Variants in LRRK1 observed in about 807,000 individuals in gnomAD.
LRRK1 encodes leucine-rich repeat serine/threonine-protein kinase 1.
Under a neutral mutation model 209.1 loss-of-function variants are expected in LRRK1, and 113 were observed. The observed-to-expected ratio is 0.54, with a 90% confidence interval of 0.46 to 0.63. The LOEUF is 0.63. LRRK1 is among the 30% of genes least tolerant of loss of function. LRRK1 has a pLI of 0.00. For synonymous variants in LRRK1, 1,144 were observed against 1,099.7 expected (o/e 1.04, Z -0.80); for missense variants, 2,284 against 2,632.2 (o/e 0.87, Z 2.89).
At chr15:100,987,970 C>A (rs1350113643) in intron 4 of LRRK1, among the ~76,000 whole-genome samples, 2 of 152,108 alleles carry the variant, frequency 1.3e-5, no homozygotes, top group African/African-American at 4.8e-5. Flanking sequence ...TAAGATCATG[C>A]TGGATACGCC....
At chr15:100,988,480 A>ATTTTTTT in intron 4 of LRRK1, 154 bp from the exon 5 acceptor site, 1 of 735,698 alleles carries the variant, frequency 1.4e-6, no homozygotes, top group Non-Finnish European at 2.4e-6. Context: ...ACATGATCTC[A>ATTTTTTT]TTCTTTTTTA....
intron 1 of LRRK1, chr15:100,920,278 CTT>C (rs2041998610): frequency 6.6e-6 from 1 of 152,270 alleles, no homozygotes; most frequent in Non-Finnish European, 1.5e-5. Context: ...GGGCATATAG[CTT>C]TCAGCAAACC....
In LRRK1 at chr15:101,041,744, G is replaced by A. The variant is rs891129697; in HGVS notation, c.2964-4237G>A. On this transcript the variant is annotated intron_variant, in intron 20 of 33. Transcript: ENST00000388948. ...ACAGCTGGTGGATTTCCAGACCCCC[G>A]TGGATGCCTAAAACTGCGATAGTAT... 7.9e-5 allele frequency among the ~76,000 whole-genome samples: 12 copies of A among 152,126 alleles called. 1 individual carries two copies. In the East Asian group the frequency reaches 1.3e-3, roughly 17 times the overall value.
chr15:100,968,792 C>CCCTTT (rs1205944798), intron 2 of LRRK1, among the ~76,000 whole-genome samples: 27 of 145,118 alleles, frequency 1.9e-4, no homozygotes, highest in African/African-American at 6.7e-4. Flanking sequence ...CCTTTCCTTC[C>CCCTTT]CCTTCCCCTT....
intron 2 of LRRK1, among the ~76,000 whole-genome samples, chr15:100,962,354 A>T (rs2030041813): frequency 6.6e-6 from 1 of 152,044 alleles, no homozygotes; most frequent in Admixed American, 6.6e-5. Context: ...ATGTGGCGAA[A>T]CCCTGTCTCC....
intron 2 of LRRK1, among the ~76,000 whole-genome samples, chr15:100,967,470 C>G (rs570269781): frequency 7.9e-5 from 12 of 152,102 alleles, no homozygotes; most frequent in Non-Finnish European, 1.6e-4. Context: ...TTGTAAAGAC[C>G]CTGGATTGGT....
At position 100,934,519 on chromosome 15, in the gene LRRK1, G is replaced by A. The variant is rs148356117; in HGVS notation, c.97+9790G>A. Among the ~76,000 whole-genome samples the A allele has an allele frequency of 1.4e-3, 205 of 151,032 alleles. 2 individuals are homozygous for A. Among genetic ancestry groups the A allele is most frequent in the Admixed American group, 3.9e-3 (59 of 15,050 alleles). ...AGCAAAGAACAAGAGAGCTGAGCAA[G>A]GTAGCTCATGCCTGTAATCCCAGCA... On this transcript the variant is annotated intron_variant, in intron 2 of 33. Transcript: ENST00000388948.
chr15:100,973,752 G>T, intron 2 of LRRK1, 52 bp from the exon 3 acceptor site: 1 of 1,254,328 alleles, frequency 8.0e-7, no homozygotes, highest in Non-Finnish European at 1.0e-6. Context: ...ATTCTCAAGA[G>T]CACGCGGGCA....
intron 2 of LRRK1, among the ~76,000 whole-genome samples, chr15:100,941,462 C>CTG (rs1293984855): frequency 0.22 from 3,579 of 16,408 alleles, 364 homozygotes; most frequent in African/African-American, 0.33. Flanking sequence ...GTGTCTATGT[C>CTG]TCTGTGTGTG....
At chr15:101,047,233 C>G (rs1033035329) in intron 21 of LRRK1, among the ~76,000 whole-genome samples, 1 of 152,114 alleles carries the variant, frequency 6.6e-6, no homozygotes. Context: ...CCATTTTTAC[C>G]GAAATGGTAA....
intron 6 of LRRK1, among the ~76,000 whole-genome samples, chr15:101,002,098 T>C (rs1407716552): frequency 2.0e-5 from 3 of 152,186 alleles, no homozygotes; most frequent in Non-Finnish European, 2.9e-5. Flanking sequence ...CAGCTCTTCA[T>C]TGAACAATTT....
At chr15:100,987,075 A>G (rs974267308) in intron 4 of LRRK1, among the ~76,000 whole-genome samples, 3 of 152,192 alleles carry the variant, frequency 2.0e-5, no homozygotes, top group Non-Finnish European at 4.4e-5. Context: ...ATTAGGGGTC[A>G]CTTATTTTCT....
At chr15:100,945,315 A>G (rs73482897) in intron 2 of LRRK1, among the ~76,000 whole-genome samples, 6,077 of 152,228 alleles carry the variant, frequency 0.04, 389 homozygotes, top group African/African-American at 0.14. Flanking sequence ...GTGGCTGACA[A>G]GTATTTATTA....
At chr15:100,950,977 C>T (rs562749416) in intron 2 of LRRK1, among the ~76,000 whole-genome samples, 18 of 152,338 alleles carry the variant, frequency 1.2e-4, no homozygotes, top group Non-Finnish European at 2.1e-4. Flanking sequence ...GTGGCGGGCG[C>T]CTGTAGTCCC....
At chr15:101,025,908 C>CCTGT in intron 16 of LRRK1, 57 bp from the exon 17 acceptor site, 2 of 1,589,320 alleles carry the variant, frequency 1.3e-6, no homozygotes, top group Admixed American at 3.4e-5. Flanking sequence ...GGAGCTCTGT[C>CCTGT]CTGTCCCTTG....
rs58271058 is a variant in LRRK1 at position 101,072,955 on chromosome 15, A to AGGGGGGGGGGGGGGGGGG, written c.*4117_*4118insGGGGGGGGGGGGGGGGGG. On this transcript the variant is annotated 3_prime_UTR_variant, in exon 34 of 34. Coordinates refer to ENST00000388948, the MANE Select transcript of LRRK1 (RefSeq NM_024652.6). ...TTGGTGCCGTAACTGGCGCGGGGGGAGGGGGGGGGGAACCTCCCTTGGGAG... is the reference window on the plus strand; with the variant it reads ...TTGGTGCCGTAACTGGCGCGGGGGGAGGGGGGGGGGGGGGGGGGGGGGGGGGGGAACCTCCCTTGGGAG... 1 of 132,300 alleles carries AGGGGGGGGGGGGGGGGGG rather than the reference A, an allele frequency of 7.6e-6. No individual in the cohort carries two copies. The highest frequency in any genetic ancestry group is 3.0e-5 in the African/African-American group (1 of 33,480). The allele number at this position is 132,300 out of a possible 1,614,324, so 8.2% of individuals were successfully genotyped here.
At chr15:100,984,985 A>G (rs916264729) in intron 4 of LRRK1, among the ~76,000 whole-genome samples, 1 of 152,200 alleles carries the variant, frequency 6.6e-6, no homozygotes, top group African/African-American at 2.4e-5. Flanking sequence ...TGTACTCACT[A>G]TCTTAAAATG....
chr15:101,065,419 C>A lies in LRRK1; in HGVS notation c.4982C>A (p.Thr1661Asn), dbSNP rs769709976. The change falls in exon 32 of 34, where the codon ACC becomes AAC. Residue 1661 changes from threonine to asparagine, a missense_variant. Coordinates refer to ENST00000388948, the MANE Select transcript of LRRK1 (RefSeq NM_024652.6). ...GCTGTGTTTCCCGTGGTGCGGGGCACCCCAAAGGACAGCTGCTCCTACCTG... is the reference window on the plus strand; with the variant it reads ...GCTGTGTTTCCCGTGGTGCGGGGCAACCCAAAGGACAGCTGCTCCTACCTG... Reference protein sequence around the residue: ...LVAVFPVVRGTPKDSCSYLCS... With the variant: ...LVAVFPVVRGNPKDSCSYLCS... The A allele has an allele frequency of 3.1e-6, 5 of 1,614,138 alleles. No homozygotes were observed. Among genetic ancestry groups the A allele is most frequent in the South Asian group, 2.2e-5 (2 of 91,088 alleles).
intron 26 of LRRK1, among the ~76,000 whole-genome samples, chr15:101,054,175 C>G (rs1031722127): frequency 1.3e-5 from 2 of 152,142 alleles, no homozygotes; most frequent in Non-Finnish European, 2.9e-5. Context: ...GCCTTTCACC[C>G]TGTTGCCCAG....
Sources: gnomAD v4.1 joint callset for allele counts (sites outside exome capture counted in the v4.1 genomes callset) on GRCh38, gnomAD v4.1.1 for gene constraint, MANE v1.5 for transcripts, NCBI Gene and HGNC (gene_info 2026-07-23, HGNC 2026-07-21) for gene names.